Variants in KIF26B observed in about 807,000 individuals in gnomAD.
KIF26B encodes the protein kinesin family member 26B, also known as kinesin-like protein KIF26B.
In KIF26B, 63 loss-of-function variants were observed where a neutral mutation model predicts 151.2. The ratio of observed to expected loss-of-function variants is 0.42; its 90% CI spans 0.34 to 0.51. KIF26B has a LOEUF of 0.51. Among genes scored for constraint, KIF26B ranks in the 20% least tolerant of loss-of-function variants. The probability of loss-of-function intolerance (pLI) is 0.07; values close to 1 mark genes in which losing one functional copy is unlikely to be tolerated. For synonymous variants in KIF26B, 1,357 were observed against 1,262.1 expected, an observed-to-expected ratio of 1.08 and a Z score of -1.59; for missense variants, 2,813 against 2,913.6, an observed-to-expected ratio of 0.97 and a Z score of 0.79.
At chr1:245,350,080 C>G (rs1672534269) in intron 2 of KIF26B, among the ~76,000 whole-genome samples, 1 of 151,972 alleles carries the variant, frequency 6.6e-6, no homozygotes, top group Non-Finnish European at 1.5e-5. Flanking sequence ...TTGCACATCA[C>G]ATTTCCCCTA....
chr1:245,369,163 AAGAGTGAGAG>A (rs1673035298), intron 3 of KIF26B, among the ~76,000 whole-genome samples: 1 of 135,064 alleles, frequency 7.4e-6, no homozygotes. Context: ...GGGAAAAAAG[AAGAGTGAGAG>A]AGAGAGAGAG....
intron 3 of KIF26B, among the ~76,000 whole-genome samples, chr1:245,395,409 G>A (rs916073036): frequency 2.6e-5 from 4 of 152,180 alleles, no homozygotes; most frequent in Non-Finnish European, 5.9e-5. Context: ...AACAAGTTAG[G>A]TGGTAGTAGT....
intron 2 of KIF26B, among the ~76,000 whole-genome samples, chr1:245,303,244 G>T (rs11586675): frequency 0.052 from 7,230 of 139,810 alleles, 229 homozygotes; most frequent in Middle Eastern, 0.09. Context: ...TGTCGCCCAG[G>T]CCGGAGTGCA....
chr1:245,435,096 T>TCC (rs1160200737), intron 4 of KIF26B, among the ~76,000 whole-genome samples: 5 of 55,138 alleles, frequency 9.1e-5, no homozygotes, highest in African/African-American at 1.5e-4. Context: ...TCCATCCATC[T>TCC]CTCCATCCAT....
At chr1:245,498,352 G>T (rs1049225454) in intron 4 of KIF26B, among the ~76,000 whole-genome samples, 2 of 152,188 alleles carry the variant, frequency 1.3e-5, no homozygotes, top group African/African-American at 4.8e-5. Context: ...TGTTTAATTA[G>T]AAGCTAGTGG....
chr1:245,550,015 G>A (rs1661840067), intron 5 of KIF26B, among the ~76,000 whole-genome samples: 1 of 152,176 alleles, frequency 6.6e-6, no homozygotes, highest in East Asian at 1.9e-4. Flanking sequence ...CTGACCTCAG[G>A]TGATCCGCCC....
intron 10 of KIF26B, among the ~76,000 whole-genome samples, chr1:245,656,345 A>G (rs1390761175): frequency 6.6e-6 from 1 of 152,224 alleles, no homozygotes; most frequent in South Asian, 2.1e-4. Context: ...AGTTTGCCAC[A>G]GTCCGTCCTC....
At chr1:245,531,012 C>G (rs1288280170) in intron 4 of KIF26B, among the ~76,000 whole-genome samples, 1 of 152,082 alleles carries the variant, frequency 6.6e-6, no homozygotes, top group African/African-American at 2.4e-5. Context: ...TAGAAGGTGG[C>G]CATAATAATG....
chr1:245,533,872 T>A (rs545556649), intron 4 of KIF26B, among the ~76,000 whole-genome samples: 1 of 152,276 alleles, frequency 6.6e-6, no homozygotes, highest in African/African-American at 2.4e-5. Context: ...CTTAAAGCCA[T>A]TGAATCCACC....
intron 2 of KIF26B, among the ~76,000 whole-genome samples, chr1:245,310,331 C>T (rs190697822): frequency 6.6e-6 from 1 of 152,198 alleles, no homozygotes; most frequent in Non-Finnish European, 1.5e-5. Flanking sequence ...GGCTTTCTAA[C>T]TGATGTCATG....
Position 245,688,224 on chromosome 1 carries a change from C to A in KIF26B, c.5241C>A (p.Gly1747=), listed in dbSNP as rs749005450. Residue 1747 remains glycine (G), a synonymous_variant, in exon 12 of 15, where the codon GGC becomes GGA. Coordinates refer to ENST00000407071, the MANE Select transcript of KIF26B (RefSeq NM_018012.4). ...TCCTGGCCAGCCCCAGAGCGCGCGG[C>A]CCGTCCGCCTCCACCACCAAAACCC... ...RLLLASPRAR[G]PSASTTKTLS... 3.1e-6 allele frequency: 5 copies of A among 1,587,644 alleles called. No individual in the cohort carries two copies. The East Asian group carries it at 1.1e-4, about 36-fold the overall frequency.
intron 10 of KIF26B, among the ~76,000 whole-genome samples, chr1:245,647,968 C>T (rs1380492881): frequency 1.3e-5 from 2 of 152,068 alleles, no homozygotes; most frequent in Non-Finnish European, 1.5e-5. Flanking sequence ...GAGTTTCATT[C>T]GATGTCATTT....
intron 2 of KIF26B, among the ~76,000 whole-genome samples, chr1:245,362,364 TA>T (rs775148578): frequency 0.12 from 9,682 of 82,580 alleles, 908 homozygotes; most frequent in African/African-American, 0.3. Context: ...CCGTCTCTAC[TA>T]AAAAAAAAAA....
chr1:245,185,833 A>T (rs1447125022), intron 2 of KIF26B, among the ~76,000 whole-genome samples: 1 of 151,730 alleles, frequency 6.6e-6, no homozygotes, highest in Admixed American at 6.6e-5. Context: ...CAACCTTGAG[A>T]GTTAAAGAAA....
chr1:245,631,878 G>C (rs571924570), intron 9 of KIF26B, among the ~76,000 whole-genome samples: 1 of 151,946 alleles, frequency 6.6e-6, no homozygotes, highest in Non-Finnish European at 1.5e-5. Context: ...TTCTTCATAA[G>C]ACTCTAATCA....
intron 2 of KIF26B, among the ~76,000 whole-genome samples, chr1:245,258,390 G>A (rs1670578617): frequency 6.6e-6 from 1 of 152,128 alleles, no homozygotes; most frequent in Non-Finnish European, 1.5e-5. Context: ...AGGCCTGGGT[G>A]CCCTGGGGAC....
Position 245,704,405 on chromosome 1 carries a change from T to G in KIF26B, c.*1799T>G, listed in dbSNP as rs1286276854. The G allele has an allele frequency of 2.6e-5, 4 of 152,280 alleles. No individual in the cohort carries two copies. Among genetic ancestry groups the G allele is most frequent in the African/African-American group, 9.6e-5 (4 of 41,474 alleles). The allele number at this position is 152,280 out of a possible 1,614,324, so 9.4% of individuals were successfully genotyped here. ...GAACCGAAGTCTTGTGAGCTTCACA[T>G]GACCTGATCCTTTGTTATCAGAACA... On this transcript the variant is annotated 3_prime_UTR_variant, in exon 15 of 15. Coordinates refer to ENST00000407071, the MANE Select transcript of KIF26B (RefSeq NM_018012.4).
At chr1:245,595,868 ACTT>A (rs1209848866) in intron 5 of KIF26B, among the ~76,000 whole-genome samples, 2 of 152,032 alleles carry the variant, frequency 1.3e-5, no homozygotes, top group African/African-American at 2.4e-5. Context: ...CAGGGATTCG[ACTT>A]CTTCTTGGTT....
At position 245,367,488 on chromosome 1, in the gene KIF26B, A is replaced by C; in HGVS notation, c.999+121A>C. The C allele has an allele frequency of 4.2e-6, 4 of 951,956 alleles. No individual in the cohort carries two copies. The highest frequency in any genetic ancestry group is 4.6e-6 in the Non-Finnish European group (3 of 654,236). The allele number at this position is 951,956 out of a possible 1,614,324, so 59.0% of individuals were successfully genotyped here. The stretch of plus-strand genomic sequence containing the variant: ...CTGTAACTCAGAGCCCAGTGTTTCC[A>C]TGTGGCCCCCACAGAGTTCTCATCA... On this transcript the variant is annotated intron_variant, in intron 3 of 14. Coordinates refer to ENST00000407071, the MANE Select transcript of KIF26B (RefSeq NM_018012.4). This position sits in a 1 kb window ranked among gnomAD's most constrained non-coding sequence, Gnocchi z 4.2.
Sources: allele counts gnomAD v4.1 joint callset (sites outside exome capture counted in the v4.1 genomes callset), GRCh38; gene constraint gnomAD v4.1.1; non-coding constraint Gnocchi (gnomAD v3.1); transcripts MANE v1.5; gene names NCBI Gene and HGNC (gene_info 2026-07-23, HGNC 2026-07-21).